Variants in NDUFB6 observed in about 807,000 individuals in gnomAD.
NDUFB6 encodes NADH:ubiquinone oxidoreductase subunit B6.
A neutral mutation model predicts 17.5 loss-of-function variants in NDUFB6; 23 were observed. That is an observed-to-expected ratio of 1.31 (90% CI 0.94 to 1.86). The LOEUF (loss-of-function observed/expected upper bound fraction) is 1.86. NDUFB6 is among the 40% of genes most tolerant of loss of function. The probability of loss-of-function intolerance (pLI) is 0.00; values close to 1 mark genes in which losing one functional copy is unlikely to be tolerated. For synonymous variants in NDUFB6, 60 were observed against 53.5 expected (o/e 1.12, Z -0.53); for missense variants, 167 against 153.8 (o/e 1.09, Z -0.46).
intron 2 of NDUFB6, among the ~76,000 whole-genome samples, chr9:32,561,644 T>C (rs1821629831): frequency 6.6e-6 from 1 of 152,178 alleles, no homozygotes; most frequent in Non-Finnish European, 1.5e-5. Flanking sequence ...TATTCACTTC[T>C]ATCCCATCAT....
intron 2 of NDUFB6, among the ~76,000 whole-genome samples, chr9:32,563,880 C>G (rs1249497934): frequency 6.6e-6 from 1 of 152,218 alleles, no homozygotes; most frequent in Non-Finnish European, 1.5e-5. Context: ...CAAGCTGACT[C>G]TGTGTCCTTT....
intron 2 of NDUFB6, chr9:32,567,582 C>T (rs1175057338): frequency 7.8e-6 from 3 of 384,286 alleles, no homozygotes; most frequent in Middle Eastern, 6.0e-4. Flanking sequence ...ACCTCAGCCT[C>T]CCAAAGTGCT....
rs1432206793 is a variant in NDUFB6, at chr9:32,571,034, T to C, written c.199A>G (p.Lys67Glu). The change falls in exon 2 of 4, where the codon AAG (lysine) becomes GAG (glutamate). Residue 67 changes from lysine (K) to glutamate (E), a missense_variant. Transcript: ENST00000379847. ...WRKMVHGVYKKSIFVFTHVLV... is the reference protein window; with the variant it reads ...WRKMVHGVYKESIFVFTHVLV... ...ACATGAGTGAAAACAAAGATACTCTTTTTGTATACCCCATGGACCTGGGGG... is the reference window on the plus strand; with the variant it reads ...ACATGAGTGAAAACAAAGATACTCTCTTTGTATACCCCATGGACCTGGGGG... 1 of 1,603,820 alleles carries C rather than the reference T, an allele frequency of 6.2e-7. No homozygotes were observed. The highest frequency in any genetic ancestry group is 8.5e-7 in the Non-Finnish European group (1 of 1,173,862).
chr9:32,571,106 G>T, intron 1 of NDUFB6, 54 bp from the exon 2 acceptor site: 1 of 1,265,172 alleles, frequency 7.9e-7, no homozygotes, highest in Non-Finnish European at 1.1e-6. Context: ...TTATATTTAT[G>T]GCAGAACAAA....
intron 2 of NDUFB6, chr9:32,568,064 AAGAT>A (rs1821849868): frequency 6.0e-6 from 1 of 167,278 alleles, no homozygotes; most frequent in Admixed American, 6.5e-5. Flanking sequence ...AGAAAAAAAA[AAGAT>A]AGTGATTCCT....
In NDUFB6 at chr9:32,571,016, T is replaced by A. The variant is rs1821924221; in HGVS notation, c.217A>T (p.Thr73Ser). The change falls in exon 2 of 4, where the codon ACT (threonine) becomes TCT (serine). Residue 73 changes from threonine to serine, a missense_variant. By Grantham distance (58) the Thr-to-Ser change is moderately conservative. Coordinates refer to ENST00000379847, the MANE Select transcript of NDUFB6 (RefSeq NM_002493.5). ...ATCCAGACAGGTACAAGTACATGAGTGAAAACAAAGATACTCTTTTTGTAT... is the reference window on the plus strand; with the variant it reads ...ATCCAGACAGGTACAAGTACATGAGAGAAAACAAAGATACTCTTTTTGTAT... ...GVYKKSIFVF[T>S]HVLVPVWIIH... The A allele has an allele frequency of 6.2e-7, 1 of 1,606,238 alleles. No individual in the cohort carries two copies. Among genetic ancestry groups the A allele is most frequent in the African/African-American group, 1.3e-5 (1 of 74,688 alleles).
chr9:32,558,924 A>G lies in NDUFB6; in HGVS notation c.304T>C (p.Ser102Pro), dbSNP rs1324595936. Residue 102 changes from serine to proline, a missense_variant, in exon 3 of 4, where the codon TCC becomes CCC. Coordinates refer to ENST00000379847, the MANE Select transcript of NDUFB6 (RefSeq NM_002493.5). ...TTAAGACTTACAGGGAATATTCTGG[A>G]CTTCTTTTCAACTATGCCATATGGT... ...EKPYGIVEKK[S>P]RIFPGDTILE... 6.3e-7 allele frequency: 1 copy of G among 1,582,816 alleles called. No homozygotes were observed. The highest frequency in any genetic ancestry group is 8.7e-7 in the Non-Finnish European group (1 of 1,154,654).
At chr9:32,567,513 T>C (rs1167183441) in intron 2 of NDUFB6, 2 of 423,796 alleles carry the variant, frequency 4.7e-6, no homozygotes, top group Non-Finnish European at 9.6e-6. Context: ...TTAGTAGAGA[T>C]GGGGTTTCAC....
At chr9:32,568,341 C>T in intron 2 of NDUFB6, 1 of 213,280 alleles carries the variant, frequency 4.7e-6, no homozygotes, top group Non-Finnish European at 1.0e-5. Context: ...GCCTCCATCA[C>T]ATGATAAAGC....
chr9:32,564,751 T>C (rs671018), intron 2 of NDUFB6, among the ~76,000 whole-genome samples: 83,985 of 152,022 alleles, frequency 0.55, 23,624 homozygotes, highest in Middle Eastern at 0.68. Context: ...CTCTGATAAA[T>C]GGAGCAGGAG....
At chr9:32,571,117 A>C in intron 1 of NDUFB6, 65 bp from the exon 2 acceptor site, 1 of 1,096,280 alleles carries the variant, frequency 9.1e-7, no homozygotes. Flanking sequence ...GCAGAACAAA[A>C]GGCATCAATG....
Position 32,553,845 on chromosome 9 carries a change from C to T in NDUFB6, c.*31G>A, listed in dbSNP as rs781033762. 7.1e-7 allele frequency: 1 copy of T among 1,408,626 alleles called. No homozygotes were observed. The highest frequency in any genetic ancestry group is 1.0e-6 in the Non-Finnish European group (1 of 999,404). 87.3% of individuals were successfully genotyped at this position (1,408,626 alleles called of 1,614,324 possible). A position where few individuals can be genotyped will look rare whatever the true frequency, so the allele number is the denominator to read the frequency against. ...ATGGTAATATAGGAACAAACTTAGG[C>T]TCATAAGCCTTTTAACTTTTTACAT... On this transcript the variant is annotated 3_prime_UTR_variant, in exon 4 of 4. Coordinates refer to ENST00000379847, the MANE Select transcript of NDUFB6 (RefSeq NM_002493.5).
intron 1 of NDUFB6, among the ~76,000 whole-genome samples, chr9:32,572,469 G>A (rs556694883): frequency 2.0e-4 from 31 of 152,254 alleles, no homozygotes; most frequent in African/African-American, 7.5e-4. Flanking sequence ...GCCCTCTGGT[G>A]GTTGGATACT....
At chr9:32,555,308 A>G (rs142806883) in intron 3 of NDUFB6, among the ~76,000 whole-genome samples, 1 of 152,344 alleles carries the variant, frequency 6.6e-6, no homozygotes, top group East Asian at 1.9e-4. Flanking sequence ...CAGAATTCCT[A>G]AACAATAAGT....
chr9:32,560,666 C>T (rs993190143), intron 2 of NDUFB6, among the ~76,000 whole-genome samples: 9 of 151,846 alleles, frequency 5.9e-5, no homozygotes, highest in African/African-American at 1.7e-4. Context: ...ATAAATACTT[C>T]GAAATAAAAT....
chr9:32,562,573 C>T (rs1215728647), intron 2 of NDUFB6, among the ~76,000 whole-genome samples: 1 of 152,196 alleles, frequency 6.6e-6, no homozygotes, highest in Non-Finnish European at 1.5e-5. Context: ...TAATTTTAAA[C>T]TTACATAAAG....
Position 32,573,093 on chromosome 9 carries a change from C to T in NDUFB6, c.-33G>A, listed in dbSNP as rs1299445717. On this transcript the variant is annotated 5_prime_UTR_variant, in exon 1 of 4. Transcript: ENST00000379847. ...CTGGTACCAACGCAAAAGGACACGG[C>T]GCACCCTCGAACTACGGACTAGTTA... is the stretch of plus-strand genomic sequence containing the variant. 4 of 1,499,838 alleles carry T rather than the reference C, an allele frequency of 2.7e-6. No homozygotes were observed. The highest frequency in any genetic ancestry group is 3.6e-6 in the Non-Finnish European group (4 of 1,121,516). 92.9% of individuals were successfully genotyped at this position (1,499,838 alleles called of 1,614,324 possible).
At chr9:32,561,330 C>CTT (rs58946235) in intron 2 of NDUFB6, among the ~76,000 whole-genome samples, 2 of 144,946 alleles carry the variant, frequency 1.4e-5, no homozygotes, top group African/African-American at 2.5e-5. Context: ...TCACTATTTT[C>CTT]TTTTTTTTTT....
chr9:32,558,193 G>T (rs1452678702), intron 3 of NDUFB6, among the ~76,000 whole-genome samples: 1 of 149,032 alleles, frequency 6.7e-6, no homozygotes, highest in Non-Finnish European at 1.5e-5. Context: ...CTCACTGCAA[G>T]CTCCACCTCC....
Sources: gnomAD v4.1 joint callset for allele counts (sites outside exome capture counted in the v4.1 genomes callset) on GRCh38, gnomAD v4.1.1 for gene constraint, MANE v1.5 for transcripts, NCBI Gene and HGNC (gene_info 2026-07-23, HGNC 2026-07-21) for gene names.